The following SFSWAP variants were observed in gnomAD, a reference collection of about 807,000 sequenced individuals.
SFSWAP encodes splicing factor SWAP, also known as splicing factor, suppressor of white-apricot homolog.
SFSWAP carries 17 observed loss-of-function variants against 100.7 expected under a neutral mutation model. That is an observed-to-expected ratio of 0.17 (90% CI 0.12 to 0.25). The LOEUF (loss-of-function observed/expected upper bound fraction) is 0.25, where lower values mean the gene tolerates loss of function less well. Among genes scored for constraint, SFSWAP ranks in the 10% least tolerant of loss-of-function variants. SFSWAP has a pLI of 1.00. For missense variants in SFSWAP, 1,005 were observed against 1,262.6 expected, an observed-to-expected ratio of 0.80 and a Z score of 3.09; for synonymous variants, 504 against 510.1, an observed-to-expected ratio of 0.99 and a Z score of 0.16.
At chr12:131,748,604 T>C (rs536404265) in intron 7 of SFSWAP, among the ~76,000 whole-genome samples, 5 of 152,256 alleles carry the variant, frequency 3.3e-5, no homozygotes, top group Non-Finnish European at 7.3e-5. Context: ...ATTAAGATCA[T>C]GCAGAGATAC....
In SFSWAP at chr12:131,738,715, C is replaced by T. The variant is rs369685179; in HGVS notation, c.1081+10287C>T. Reference sequence around the variant, plus strand: ...CTTTTTCTTTGCATTTAATATATCTCGAACATCTTTGTATTAACAGTGCAT... The same window carrying T: ...CTTTTTCTTTGCATTTAATATATCTTGAACATCTTTGTATTAACAGTGCAT... On this transcript the variant is annotated intron_variant, in intron 7 of 17. Transcript: ENST00000261674. Among the ~76,000 whole-genome samples the T allele has an allele frequency of 1.3e-4, 20 of 152,034 alleles. No homozygotes were observed. The East Asian group carries it at 3.1e-3, about 24-fold the overall frequency.
At chr12:131,755,312 G>C (rs1566030962) in intron 9 of SFSWAP, 74 bp from the exon 10 acceptor site, 2 of 1,014,680 alleles carry the variant, frequency 2.0e-6, no homozygotes, top group East Asian at 4.7e-5. Context: ...TAAAGAGCTA[G>C]GAGAACAGGG....
intron 15 of SFSWAP, among the ~76,000 whole-genome samples, chr12:131,791,677 G>A (rs981904721): frequency 3.3e-5 from 5 of 152,212 alleles, no homozygotes; most frequent in Non-Finnish European, 7.3e-5. Context: ...ACTTGAACTC[G>A]GGAGGCGGAG....
At chr12:131,722,098 T>G (rs1183015375) in intron 4 of SFSWAP, among the ~76,000 whole-genome samples, 1 of 152,174 alleles carries the variant, frequency 6.6e-6, no homozygotes, top group Non-Finnish European at 1.5e-5. Context: ...TATTGCTGCT[T>G]AAGGGGGCAG....
Position 131,714,739 on chromosome 12 carries a change from T to A in SFSWAP, c.389-83T>A. On this transcript the variant is annotated intron_variant, in intron 2 of 17. Coordinates refer to ENST00000261674, the MANE Select transcript of SFSWAP (RefSeq NM_004592.4). The surrounding 1 kb of genome is among the most constrained non-coding windows in gnomAD (Gnocchi z 6.0). The stretch of plus-strand genomic sequence containing the variant: ...GAAAAAAGTATGTTGTATGCTTTAC[T>A]GATAGCTACAACTTTAGAAATATAT... 1.5e-6 allele frequency: 2 copies of A among 1,313,672 alleles called. No individual in the cohort carries two copies. Among genetic ancestry groups the A allele is most frequent in the Non-Finnish European group, 2.2e-6 (2 of 930,226 alleles). 81.4% of individuals were successfully genotyped at this position (1,313,672 alleles called of 1,614,324 possible).
chr12:131,774,240 T>C (rs936514436), intron 13 of SFSWAP, among the ~76,000 whole-genome samples: 2 of 152,188 alleles, frequency 1.3e-5, no homozygotes, highest in East Asian at 3.9e-4. Flanking sequence ...GTGTTGGTTA[T>C]CCCTTTCATA....
chr12:131,756,177 A>G (rs1477184282), intron 10 of SFSWAP, among the ~76,000 whole-genome samples: 37 of 152,246 alleles, frequency 2.4e-4, no homozygotes, highest in Admixed American at 1.9e-3. Flanking sequence ...TTTTTAAAGA[A>G]TTCTGAGTAA....
intron 14 of SFSWAP, chr12:131,785,503 G>T: frequency 3.0e-6 from 1 of 331,150 alleles, no homozygotes; most frequent in Non-Finnish European, 5.5e-6. Context: ...AAACAAAATG[G>T]AAATAAATGG....
intron 15 of SFSWAP, among the ~76,000 whole-genome samples, chr12:131,795,927 C>T (rs1593199838): frequency 6.8e-6 from 1 of 146,488 alleles, no homozygotes; most frequent in East Asian, 2.1e-4. Flanking sequence ...CAGCCCTACT[C>T]CTGGGATCTG....
chr12:131,711,196 G>A lies in SFSWAP; in HGVS notation c.-34G>A. 2.0e-6 allele frequency: 3 copies of A among 1,535,908 alleles called. No homozygotes were observed. The highest frequency in any genetic ancestry group is 1.8e-6 in the Non-Finnish European group (2 of 1,141,974). On this transcript the variant is annotated 5_prime_UTR_variant, in exon 1 of 18. Coordinates refer to ENST00000261674, the MANE Select transcript of SFSWAP (RefSeq NM_004592.4). This position sits in a 1 kb window ranked among gnomAD's most constrained non-coding sequence, Gnocchi z 4.9. ...GGTATCAGGGACGTCGCGCGGCACA[G>A]AAGAGGACCAGCCTGGACGCCGGGG...
In SFSWAP at chr12:131,754,391, T is replaced by C. The variant is rs1593151642; in HGVS notation, c.1346T>C (p.Ile449Thr). The C allele has an allele frequency of 6.3e-7, 1 of 1,584,172 alleles. No homozygotes were observed. The highest frequency in any genetic ancestry group is 8.6e-7 in the Non-Finnish European group (1 of 1,168,032). ...TTSALAPVAA[I>T]IPPPPDVQPV... ...AGTGCACTTGCCCCCGTGGCCGCCA[T>C]CATCCCCCCGCCCCCCGACGTCCAG... Residue 449 changes from isoleucine (I) to threonine (T), a missense_variant, in exon 9 of 18, where the codon ATC (isoleucine) becomes ACC (threonine). By Grantham distance (89) the Ile-to-Thr change is moderately conservative. Around this residue, in one of 7 missense-constraint regions of SFSWAP, gnomAD observed 311 missense variants for 317.8 expected, o/e 0.98. Transcript: ENST00000261674.
chr12:131,780,914 G>A (rs927461764), intron 14 of SFSWAP, among the ~76,000 whole-genome samples: 6 of 152,116 alleles, frequency 3.9e-5, no homozygotes, highest in African/African-American at 1.2e-4. Flanking sequence ...CAGCTTTCAT[G>A]TGGGGAGTTT....
intron 7 of SFSWAP, among the ~76,000 whole-genome samples, chr12:131,738,009 A>G (rs988725982): frequency 3.9e-5 from 6 of 152,156 alleles, no homozygotes; most frequent in Non-Finnish European, 5.9e-5. Context: ...GTAATTATGC[A>G]GGAGGCAGTC....
intron 16 of SFSWAP, 91 bp downstream of exon 16, chr12:131,797,451 G>T: frequency 8.4e-7 from 1 of 1,184,620 alleles, no homozygotes; most frequent in Non-Finnish European, 1.2e-6. Context: ...GCCTATGTCA[G>T]TACTCGCCTG....
intron 7 of SFSWAP, among the ~76,000 whole-genome samples, chr12:131,738,581 G>A (rs1165518812): frequency 6.6e-6 from 1 of 152,188 alleles, no homozygotes; most frequent in Non-Finnish European, 1.5e-5. Context: ...TTTCTTTTAT[G>A]CCTAAAGAAT....
Position 131,778,723 on chromosome 12 carries a change from G to A in SFSWAP, c.2408+393G>A, listed in dbSNP as rs749260162. On this transcript the variant is annotated intron_variant, in intron 14 of 17. Transcript: ENST00000261674. This position sits in a 1 kb window ranked among gnomAD's most constrained non-coding sequence, Gnocchi z 4.2. ...AGTAGAGACGGGGTTTCACCGTGTC[G>A]GCCAGGCTGGTCTTAAACTCCTGAC... is the stretch of plus-strand genomic sequence containing the variant. Among the ~76,000 whole-genome samples the A allele has an allele frequency of 8.6e-5, 13 of 151,988 alleles. No individual in the cohort carries two copies. The highest frequency in any genetic ancestry group is 2.7e-4 in the African/African-American group (11 of 41,386).
intron 6 of SFSWAP, 30 bp from the exon 7 acceptor site, chr12:131,728,263 A>G (rs772604240): frequency 1.2e-6 from 2 of 1,613,476 alleles, no homozygotes; most frequent in Non-Finnish European, 1.7e-6. Flanking sequence ...AGAATATTGA[A>G]TGCTAAGGCT....
intron 7 of SFSWAP, among the ~76,000 whole-genome samples, chr12:131,751,055 A>AT (rs954370780): frequency 4.6e-5 from 7 of 151,808 alleles, no homozygotes; most frequent in South Asian, 2.1e-4. Context: ...CGGCACTGCT[A>AT]TTTTTTTTAA....
intron 10 of SFSWAP, 42 bp downstream of exon 10, chr12:131,755,521 TGGCTCCGCCTTC>T: frequency 7.1e-7 from 1 of 1,405,474 alleles, no homozygotes; most frequent in Admixed American, 1.7e-5. Flanking sequence ...CTCTTAGAGG[TGGCTCCGCCTTC>T]CAGATCAGAA....
Sources: allele counts gnomAD v4.1 joint callset (sites outside exome capture counted in the v4.1 genomes callset), GRCh38; gene constraint gnomAD v4.1.1; regional missense constraint gnomAD v4.1.1; non-coding constraint Gnocchi (gnomAD v3.1); transcripts MANE v1.5; gene names NCBI Gene and HGNC (gene_info 2026-07-23, HGNC 2026-07-21).